Variants in HAUS6 observed in about 807,000 individuals in gnomAD.
HAUS6 encodes the protein HAUS augmin-like complex subunit 6.
Under a neutral mutation model 106.8 loss-of-function variants are expected in HAUS6, and 80 were observed. That is an observed-to-expected ratio of 0.75 (90% CI 0.63 to 0.90). The LOEUF is 0.90. Among genes scored for constraint, HAUS6 ranks in the 40% least tolerant of loss-of-function variants. The pLI is 0.00. For missense variants in HAUS6, 1,155 were observed against 1,118.1 expected (o/e 1.03, Z -0.47); for synonymous variants, 356 against 379.1 (o/e 0.94, Z 0.71).
intron 12 of HAUS6, among the ~76,000 whole-genome samples, chr9:19,063,989 C>T (rs1211617252): frequency 3.9e-5 from 5 of 129,240 alleles, no homozygotes; most frequent in Admixed American, 7.9e-5. Flanking sequence ...TTTTTTGAGA[C>T]GGAGTTTCGC....
intron 9 of HAUS6, among the ~76,000 whole-genome samples, chr9:19,080,150 G>C (rs1185462412): frequency 7.5e-6 from 1 of 133,872 alleles, no homozygotes; most frequent in Non-Finnish European, 1.5e-5. Context: ...CTCTAGCCTG[G>C]GCAACGAGAG....
chr9:19,084,099 T>C (rs1262010146), intron 7 of HAUS6, among the ~76,000 whole-genome samples: 1 of 136,796 alleles, frequency 7.3e-6, no homozygotes, highest in Non-Finnish European at 1.6e-5. Context: ...TTTGTAACAA[T>C]CAAAAAGTAG....
intron 12 of HAUS6, among the ~76,000 whole-genome samples, chr9:19,065,486 A>C (rs1386729407): frequency 2.7e-5 from 4 of 148,896 alleles, no homozygotes; most frequent in African/African-American, 1.0e-4. Flanking sequence ...ATTGGTTAAT[A>C]TGTTATTTAA....
chr9:19,097,078 A>C (rs1358814172), intron 1 of HAUS6, among the ~76,000 whole-genome samples: 1 of 152,226 alleles, frequency 6.6e-6, no homozygotes, highest in Non-Finnish European at 1.5e-5. Flanking sequence ...AACAACCTAC[A>C]TTTACTGAAT....
At chr9:19,087,751 G>C (rs111720867) in intron 5 of HAUS6, among the ~76,000 whole-genome samples, 1 of 145,210 alleles carries the variant, frequency 6.9e-6, no homozygotes, top group Non-Finnish European at 1.5e-5. Context: ...GCTACAGTGG[G>C]AAGATCACTT....
At chr9:19,102,465 G>A (rs1339814154) in intron 1 of HAUS6, 59 bp downstream of exon 1, 12 of 1,564,310 alleles carry the variant, frequency 7.7e-6, no homozygotes, top group Non-Finnish European at 1.0e-5. Flanking sequence ...ACAAAAGGGG[G>A]AGTCCCCCGG....
In HAUS6 at chr9:19,071,211, C is replaced by T. The variant is rs1189008205; in HGVS notation, c.1295-911G>A. Among the ~76,000 whole-genome samples, 5 of 152,078 alleles carry T rather than the reference C, an allele frequency of 3.3e-5. No homozygotes were observed. The East Asian group carries it at 9.6e-4, about 29-fold the overall frequency. On this transcript the variant is annotated intron_variant, in intron 11 of 16. Coordinates refer to ENST00000380502, the MANE Select transcript of HAUS6 (RefSeq NM_017645.5). ...ATACCTATGACTACTAAATACTAGA[C>T]AGACAGGTCAAAAAGCAGATTAAAC... is the stretch of plus-strand genomic sequence containing the variant.
chr9:19,058,143 GTT>G lies in HAUS6; in HGVS notation c.2622_2623del (p.Gln874HisfsTer3). The G allele has an allele frequency of 6.2e-7, 1 of 1,613,958 alleles. No individual in the cohort carries two copies. Reference sequence around the variant, plus strand: ...GTCCAAAAAGTTAAGCGTATCATCTGTTTGTACATTTTGGGGAGTAGGGCTCA... The same window carrying G: ...GTCCAAAAAGTTAAGCGTATCATCTGTGTACATTTTGGGGAGTAGGGCTCA... On this transcript the variant is annotated frameshift_variant, in exon 16 of 17. Transcript: ENST00000380502. LOFTEE classifies it high-confidence loss of function.
Position 19,102,514 on chromosome 9 carries a change from G to C in HAUS6, c.128+10C>G, listed in dbSNP as rs1335356276. 1 of 1,612,012 alleles carries C rather than the reference G, an allele frequency of 6.2e-7. No homozygotes were observed. Among genetic ancestry groups the C allele is most frequent in the East Asian group, 2.2e-5 (1 of 44,758 alleles). On this transcript the variant is annotated intron_variant, in intron 1 of 16. Transcript: ENST00000380502. ...AGGCTCCCTCGCCCCGCCGGCCCCG[G>C]CCTCCTTACACTCCGAGGTGCGTGT... is the stretch of plus-strand genomic sequence containing the variant.
chr9:19,095,903 T>C (rs1472706108), intron 2 of HAUS6, among the ~76,000 whole-genome samples: 3 of 152,128 alleles, frequency 2.0e-5, no homozygotes, highest in African/African-American at 7.2e-5. Flanking sequence ...CCTAAAGCAA[T>C]TGATGCTTTA....
At chr9:19,062,815 G>A (rs910725663) in intron 14 of HAUS6, among the ~76,000 whole-genome samples, 193 bp downstream of exon 14, 10 of 152,014 alleles carry the variant, frequency 6.6e-5, no homozygotes, top group Admixed American at 5.9e-4. Context: ...TCAGAGACAC[G>A]CCCCCATGCT....
chr9:19,096,564 C>CAA (rs370743421), intron 2 of HAUS6, 110 bp downstream of exon 2: 3,018 of 266,978 alleles, frequency 0.011, 9 homozygotes, highest in South Asian at 0.026. Context: ...GACTCCGTCT[C>CAA]AAAAAAAAAA....
chr9:19,065,859 T>C (rs1221662727), intron 12 of HAUS6, among the ~76,000 whole-genome samples: 1 of 151,978 alleles, frequency 6.6e-6, no homozygotes, highest in South Asian at 2.1e-4. Flanking sequence ...AATTAATGAA[T>C]AAAATTTTGT....
Position 19,088,918 on chromosome 9 carries a change from C to CCCTAAACTTACATTTATAGTATG in HAUS6, c.584+493_584+494insCATACTATAAATGTAAGTTTAGG, listed in dbSNP as rs543717899. On this transcript the variant is annotated intron_variant, in intron 5 of 16. Transcript: ENST00000380502. ...ATAAGTAAAGTGATCTTTTCTTTTT[C>CCCTAAACTTACATTTATAGTATG]CCTAAAGTTTTAAAATATTTTAGGC... 4.1e-3 allele frequency among the ~76,000 whole-genome samples: 629 copies of CCCTAAACTTACATTTATAGTATG among 151,924 alleles called. 3 individuals carry two copies. The highest frequency in any genetic ancestry group is 0.015 in the African/African-American group (604 of 41,462).
intron 16 of HAUS6, 133 bp downstream of exon 16, chr9:19,057,828 C>T (rs1836507162): frequency 5.0e-6 from 3 of 600,232 alleles, no homozygotes; most frequent in Non-Finnish European, 8.9e-6. Context: ...GGGATCATTC[C>T]CCTCATCCTA....
At chr9:19,095,185 A>C (rs1406496408) in intron 2 of HAUS6, among the ~76,000 whole-genome samples, 2 of 151,900 alleles carry the variant, frequency 1.3e-5, no homozygotes, top group Admixed American at 1.3e-4. Context: ...TGGCTAAACA[A>C]GACAGAAAAA....
At chr9:19,102,428 A>T in intron 1 of HAUS6, 96 bp downstream of exon 1, 1 of 1,355,928 alleles carries the variant, frequency 7.4e-7, no homozygotes, top group Non-Finnish European at 1.0e-6. Flanking sequence ...TGCTCAACCA[A>T]TTCTGATTAA....
intron 5 of HAUS6, among the ~76,000 whole-genome samples, chr9:19,087,864 A>AAAAAAAAG (rs1817655633): frequency 2.0e-5 from 3 of 148,602 alleles, no homozygotes; most frequent in African/African-American, 7.5e-5. Context: ...AAAAAAAAAA[A>AAAAAAAAG]AAAAAAACCA....
intron 1 of HAUS6, 60 bp downstream of exon 1, chr9:19,102,464 G>T (rs571679902): frequency 6.4e-7 from 1 of 1,561,888 alleles, no homozygotes; most frequent in South Asian, 1.1e-5. Flanking sequence ...TACAAAAGGG[G>T]GAGTCCCCCG....
Sources: allele counts gnomAD v4.1 joint callset (sites outside exome capture counted in the v4.1 genomes callset), GRCh38; gene constraint gnomAD v4.1.1; transcripts MANE v1.5; gene names NCBI Gene and HGNC (gene_info 2026-07-23, HGNC 2026-07-21).